Variants in RSF1 observed in about 807,000 individuals in gnomAD.
The protein encoded by RSF1 is remodeling and spacing factor 1, also known as HBV pX-associated protein 8.
RSF1 carries 13 observed loss-of-function variants against 145.2 expected under a neutral mutation model. That is an observed-to-expected ratio of 0.09 (90% CI 0.06 to 0.14). The LOEUF (loss-of-function observed/expected upper bound fraction) is 0.14, where lower values mean the gene tolerates loss of function less well. RSF1 is among the 10% of genes least tolerant of loss of function. The pLI, the probability that RSF1 is intolerant of heterozygous loss-of-function variation, is 1.00. For missense variants in RSF1, 1,517 were observed against 1,718.2 expected (o/e 0.88, Z 2.07); for synonymous variants, 577 against 592.6 (o/e 0.97, Z 0.38).
At chr11:77,728,450 A>G (rs56817084) in intron 4 of RSF1, among the ~76,000 whole-genome samples, 27,076 of 151,782 alleles carry the variant, frequency 0.18, 3,035 homozygotes, top group African/African-American at 0.3. Flanking sequence ...CGAGGCAGGC[A>G]GATCACCTGA....
At chr11:77,813,886 C>A in intron 1 of RSF1, among the ~76,000 whole-genome samples, 1 of 151,224 alleles carries the variant, frequency 6.6e-6, no homozygotes, top group East Asian at 1.9e-4. Flanking sequence ...TACAATTTAA[C>A]ACATCCCTAA....
rs759475521 is a variant in RSF1 at position 77,747,046 on chromosome 11, G to A, written c.362C>T (p.Ala121Val). 6.3e-7 allele frequency: 1 copy of A among 1,588,666 alleles called. No homozygotes were observed. The highest frequency in any genetic ancestry group is 1.7e-5 in the Admixed American group (1 of 59,930). The change falls in exon 3 of 16, where the codon GCA becomes GTA. Residue 121 changes from alanine (A) to valine (V), a missense_variant. Coordinates refer to ENST00000308488, the MANE Select transcript of RSF1 (RefSeq NM_016578.4). ...TAATAGATTTATTACCTTTAAGAGTGCTAGTTTGCATTCAACACTCATTTC... is the reference window on the plus strand; with the variant it reads ...TAATAGATTTATTACCTTTAAGAGTACTAGTTTGCATTCAACACTCATTTC... Reference protein sequence around the residue: ...YLEMSVECKLALLKYLCECQF... With the variant: ...YLEMSVECKLVLLKYLCECQF...
intron 8 of RSF1, among the ~76,000 whole-genome samples, chr11:77,692,239 T>TAGAGATGGGGTC (rs1565149914): frequency 3.3e-5 from 2 of 60,306 alleles, no homozygotes; most frequent in South Asian, 4.5e-4. Context: ...TTAAATTTTT[T>TAGAGATGGGGTC]TTTTTTTTTT....
At chr11:77,805,710 T>C (rs1948670967) in intron 1 of RSF1, among the ~76,000 whole-genome samples, 1 of 152,234 alleles carries the variant, frequency 6.6e-6, no homozygotes, top group Non-Finnish European at 1.5e-5. Context: ...TATATTGCTA[T>C]AATCTGTTTA....
At position 77,675,354 on chromosome 11, in the gene RSF1, T is replaced by C; in HGVS notation, c.3342-98A>G. On this transcript the variant is annotated intron_variant, in intron 13 of 15. Transcript: ENST00000308488. ...AAATTCTGGTGAGCCCAGTGAATCA[T>C]TAAGTATAGTGCAACATATCTGGAT... The C allele has an allele frequency of 3.6e-6, 3 of 839,004 alleles. No homozygotes were observed. The South Asian group carries it at 5.3e-5, about 15-fold the overall frequency. The allele number at this position is 839,004 out of a possible 1,614,324, so 52.0% of individuals were successfully genotyped here.
intron 3 of RSF1, among the ~76,000 whole-genome samples, chr11:77,741,510 C>T (rs1040915364): frequency 6.6e-6 from 1 of 151,766 alleles, no homozygotes; most frequent in Non-Finnish European, 1.5e-5. Flanking sequence ...GGCAACAGAG[C>T]AAGACCCTGT....
intron 5 of RSF1, among the ~76,000 whole-genome samples, chr11:77,719,346 A>G (rs186221101): frequency 3.9e-5 from 6 of 152,360 alleles, no homozygotes; most frequent in Admixed American, 2.0e-4. Flanking sequence ...CAAAATTGAT[A>G]AAGACATGAA....
chr11:77,811,361 A>AT (rs1400506720), intron 1 of RSF1, among the ~76,000 whole-genome samples: 4 of 152,214 alleles, frequency 2.6e-5, no homozygotes, highest in African/African-American at 9.6e-5. Context: ...TGCTGGTGAT[A>AT]AAATAAAGTA....
the RSF1 span, among the ~76,000 whole-genome samples, chr11:77,863,937 T>G: frequency 2.0e-5 from 3 of 152,218 alleles, no homozygotes; most frequent in East Asian, 1.9e-4. Context: ...TGATCCCTTT[T>G]TTTTTTGAGA....
chr11:77,823,085 C>T (rs1019261289), upstream of RSF1, among the ~76,000 whole-genome samples: 6 of 151,696 alleles, frequency 4.0e-5, no homozygotes, highest in African/African-American at 9.7e-5. Flanking sequence ...GTGGTGGCGG[C>T]GGGCCCCTGT....
At position 77,701,100 on chromosome 11, in the gene RSF1, A is replaced by G. The variant is rs1374227806; in HGVS notation, c.2129T>C (p.Leu710Ser). The G allele has an allele frequency of 2.5e-6, 4 of 1,613,482 alleles. 1 individual carries two copies. The highest frequency in any genetic ancestry group is 3.4e-6 in the Non-Finnish European group (4 of 1,179,918). ...GGCAGTGGTTTCTTCTTCAGGAACCAACTTATATTTGAATTTGCTTTTTTG... is the reference window on the plus strand; with the variant it reads ...GGCAGTGGTTTCTTCTTCAGGAACCGACTTATATTTGAATTTGCTTTTTTG... The part of the protein sequence containing the change: ...SMQKSKFKYK[L>S]VPEEETTASE... The change falls in exon 6 of 16, where the codon TTG becomes TCG. Residue 710 changes from leucine (L) to serine (S), a missense_variant. Leu to Ser is a moderately radical substitution (Grantham distance 145). Around this residue, in one of 12 missense-constraint regions of RSF1, gnomAD observed 579 missense variants for 553.5 expected, o/e 1.05. Coordinates refer to ENST00000308488, the MANE Select transcript of RSF1 (RefSeq NM_016578.4).
intron 11 of RSF1, among the ~76,000 whole-genome samples, chr11:77,682,569 T>C (rs963831977): frequency 8.5e-5 from 13 of 152,194 alleles, no homozygotes; most frequent in Admixed American, 7.2e-4. Flanking sequence ...GTATCTTTGG[T>C]GTTAAAAGGT....
chr11:77,710,841 T>C (rs900407330), intron 5 of RSF1, among the ~76,000 whole-genome samples: 3 of 152,194 alleles, frequency 2.0e-5, no homozygotes, highest in Admixed American at 1.3e-4. Flanking sequence ...GTAAAGTTCA[T>C]ATACAAAAGG....
chr11:77,800,356 T>G (rs186800441), intron 1 of RSF1, among the ~76,000 whole-genome samples: 1 of 151,486 alleles, frequency 6.6e-6, no homozygotes, highest in South Asian at 2.1e-4. Context: ...GCCAGGTGTA[T>G]TGGCACACAC....
intron 2 of RSF1, among the ~76,000 whole-genome samples, chr11:77,754,257 A>G (rs976390674): frequency 8.5e-5 from 13 of 152,162 alleles, no homozygotes; most frequent in Non-Finnish European, 1.6e-4. Context: ...GTGATACAGA[A>G]AGTTTAAGTA....
intron 1 of RSF1, among the ~76,000 whole-genome samples, chr11:77,782,358 T>G (rs1213968721): frequency 6.6e-6 from 1 of 152,132 alleles, no homozygotes; most frequent in African/African-American, 2.4e-5. Flanking sequence ...CAGGCCAACA[T>G]GGCAAAACCC....
chr11:77,722,703 T>C (rs1345482644), intron 5 of RSF1, among the ~76,000 whole-genome samples: 1 of 152,214 alleles, frequency 6.6e-6, no homozygotes, highest in African/African-American at 2.4e-5. Flanking sequence ...AGAGTTGCTA[T>C]GAGGATTAAA....
chr11:77,748,656 G>T (rs998241815), intron 2 of RSF1, among the ~76,000 whole-genome samples: 3 of 152,106 alleles, frequency 2.0e-5, no homozygotes, highest in Non-Finnish European at 1.5e-5. Flanking sequence ...CAATGAGAAA[G>T]ATAATAATAA....
intron 2 of RSF1, among the ~76,000 whole-genome samples, chr11:77,754,584 A>G (rs191897393): frequency 2.4e-3 from 346 of 141,278 alleles, no homozygotes; most frequent in African/African-American, 8.6e-3. Context: ...TCTACAAAAA[A>G]TTAGCCAGGC....
Sources: allele counts gnomAD v4.1 joint callset (sites outside exome capture counted in the v4.1 genomes callset), GRCh38; gene constraint gnomAD v4.1.1; regional missense constraint gnomAD v4.1.1; transcripts MANE v1.5; gene names NCBI Gene and HGNC (gene_info 2026-07-23, HGNC 2026-07-21).